TFDP2: variants seen among roughly 807,000 people sequenced by gnomAD.
The protein encoded by TFDP2 is transcription factor Dp-2 (E2F dimerization partner 2).
In TFDP2, 17 loss-of-function variants were observed where a neutral mutation model predicts 59.3. That is an observed-to-expected ratio of 0.29 (90% confidence interval 0.20 to 0.43). TFDP2 has a LOEUF of 0.43. TFDP2 is among the 20% of genes least tolerant of loss of function. The pLI, the probability that TFDP2 is intolerant of heterozygous loss-of-function variation, is 1.00. For missense variants in TFDP2, 391 were observed against 528.8 expected (o/e 0.74, Z 2.56); for synonymous variants, 180 against 194.7 (o/e 0.92, Z 0.63).
intron 3 of TFDP2, among the ~76,000 whole-genome samples, chr3:142,060,822 G>A (rs1042292228): frequency 1.3e-5 from 2 of 152,218 alleles, no homozygotes; most frequent in Non-Finnish European, 2.9e-5. Flanking sequence ...CAAACATCTG[G>A]GTAGTGCTTT....
chr3:142,111,431 A>C (rs888026799), intron 1 of TFDP2, among the ~76,000 whole-genome samples: 34 of 151,156 alleles, frequency 2.2e-4, no homozygotes, highest in Admixed American at 4.6e-4. Context: ...CTGTCTCAAA[A>C]AAAAAAAAAA....
At chr3:142,095,762 CT>C (rs1338209767) in intron 2 of TFDP2, among the ~76,000 whole-genome samples, 1 of 152,222 alleles carries the variant, frequency 6.6e-6, no homozygotes, top group African/African-American at 2.4e-5. Context: ...TAACTCCCCC[CT>C]CCTTTTTAAA....
intron 4 of TFDP2, among the ~76,000 whole-genome samples, chr3:141,998,217 A>C (rs554740831): frequency 6.6e-6 from 1 of 152,342 alleles, no homozygotes; most frequent in African/African-American, 2.4e-5. Context: ...AATAAAACAG[A>C]AGGAAAGTCG....
intron 3 of TFDP2, among the ~76,000 whole-genome samples, chr3:142,048,620 C>T (rs148741030): frequency 1.2e-3 from 189 of 152,186 alleles, no homozygotes; most frequent in African/African-American, 4.3e-3. Flanking sequence ...GGCTGGAGTA[C>T]GGTGGTACAA....
intron 3 of TFDP2, among the ~76,000 whole-genome samples, chr3:142,036,384 A>G (rs1453864488): frequency 6.6e-6 from 1 of 152,240 alleles, no homozygotes; most frequent in Non-Finnish European, 1.5e-5. Flanking sequence ...CTTAGTTAAG[A>G]TATTCACAAC....
intron 3 of TFDP2, among the ~76,000 whole-genome samples, chr3:142,052,477 G>A (rs899706284): frequency 8.5e-5 from 13 of 152,130 alleles, no homozygotes; most frequent in Admixed American, 1.3e-4. Context: ...CCCAGGAGAC[G>A]GAGCTTGCAG....
chr3:142,034,051 G>A (rs927481368), intron 3 of TFDP2, among the ~76,000 whole-genome samples: 9 of 149,344 alleles, frequency 6.0e-5, no homozygotes, highest in Non-Finnish European at 1.3e-4. Context: ...AAATTTTTTA[G>A]TGTGGTATCT....
intron 3 of TFDP2, among the ~76,000 whole-genome samples, chr3:142,041,772 C>T (rs72990281): frequency 1.8e-4 from 28 of 152,256 alleles, no homozygotes; most frequent in African/African-American, 6.0e-4. Flanking sequence ...AGATTTTCTT[C>T]TAGAAGTTTT....
At chr3:142,137,503 A>G (rs1275972572) in intron 1 of TFDP2, among the ~76,000 whole-genome samples, 1 of 152,126 alleles carries the variant, frequency 6.6e-6, no homozygotes, top group African/African-American at 2.4e-5. Flanking sequence ...ATTCAGTATG[A>G]TATTGGCTGT....
chr3:142,139,445 C>A (rs2062855430), intron 1 of TFDP2, among the ~76,000 whole-genome samples: 1 of 152,110 alleles, frequency 6.6e-6, no homozygotes, highest in Non-Finnish European at 1.5e-5. Flanking sequence ...TTAATTGATA[C>A]AGTTTCTTCA....
intron 3 of TFDP2, among the ~76,000 whole-genome samples, chr3:142,085,909 G>T (rs2060798824): frequency 6.6e-6 from 1 of 152,172 alleles, no homozygotes; most frequent in African/African-American, 2.4e-5. Flanking sequence ...ATCAAACTGT[G>T]ATCCCAGCAA....
At chr3:142,118,262 C>G (rs1381781112) in intron 1 of TFDP2, among the ~76,000 whole-genome samples, 1 of 152,154 alleles carries the variant, frequency 6.6e-6, no homozygotes, top group Non-Finnish European at 1.5e-5. Context: ...AGAAGAAGCA[C>G]TCTCAAATTA....
chr3:141,950,370 T>G lies in TFDP2; in HGVS notation c.*2143A>C, dbSNP rs1935813805. ...CCCACCAACAGCACACACCTATGGC[T>G]GGGGTGGCCAATGATGGGGCACCAA... On this transcript the variant is annotated 3_prime_UTR_variant, in exon 13 of 13. Coordinates refer to ENST00000489671, the MANE Select transcript of TFDP2 (RefSeq NM_001178139.2). The G allele has an allele frequency of 6.6e-6, 1 of 152,172 alleles. No individual in the cohort carries two copies. The highest frequency in any genetic ancestry group is 1.5e-5 in the Non-Finnish European group (1 of 68,038). The allele number at this position is 152,172 out of a possible 1,614,324, so 9.4% of individuals were successfully genotyped here.
intron 3 of TFDP2, among the ~76,000 whole-genome samples, chr3:142,042,621 TTTTC>T (rs1261770204): frequency 1.8e-5 from 2 of 108,274 alleles, no homozygotes; most frequent in African/African-American, 4.2e-5. Context: ...CTTTCTTTTC[TTTTC>T]TTTTCTTTTT....
chr3:141,967,987 G>A (rs1193279209), intron 9 of TFDP2, among the ~76,000 whole-genome samples: 2 of 151,708 alleles, frequency 1.3e-5, no homozygotes, highest in Non-Finnish European at 2.9e-5. Flanking sequence ...GCTCCAAAAT[G>A]TTCCATGGTT....
At chr3:142,090,369 A>G (rs1252108434) in intron 3 of TFDP2, among the ~76,000 whole-genome samples, 1 of 152,168 alleles carries the variant, frequency 6.6e-6, no homozygotes. Context: ...TTTGTTCTAT[A>G]AAGTTAAACA....
At chr3:141,984,783 G>A (rs540269616) in intron 6 of TFDP2, among the ~76,000 whole-genome samples, 8 of 152,220 alleles carry the variant, frequency 5.3e-5, no homozygotes, top group African/African-American at 1.9e-4. Context: ...ATTAGCCAGT[G>A]TATTTCTGCA....
intron 1 of TFDP2, among the ~76,000 whole-genome samples, chr3:142,110,727 A>G (rs1416786582): frequency 6.6e-6 from 1 of 151,454 alleles, no homozygotes; most frequent in East Asian, 2.0e-4. Flanking sequence ...CCTGGTAGGC[A>G]GACTGCTTGA....
chr3:142,110,465 C>T (rs2061615574), intron 1 of TFDP2, among the ~76,000 whole-genome samples: 1 of 151,752 alleles, frequency 6.6e-6, no homozygotes. Flanking sequence ...GATCATGCCA[C>T]TGTACTCCAG....
Sources: gnomAD v4.1 joint callset for allele counts (sites outside exome capture counted in the v4.1 genomes callset) on GRCh38, gnomAD v4.1.1 for gene constraint, MANE v1.5 for transcripts, NCBI Gene and HGNC (gene_info 2026-07-23, HGNC 2026-07-21) for gene names.